Variants in ABCC9 observed in about 807,000 individuals in gnomAD.
ABCC9 encodes the protein ATP binding cassette subfamily C member 9, also known as ATP-binding cassette sub-family C member 9.
In ABCC9, 95 loss-of-function variants were observed where a neutral mutation model predicts 188.3. That is an observed-to-expected ratio of 0.50 (90% CI 0.43 to 0.60). The LOEUF is 0.60. ABCC9 is among the 20% of genes least tolerant of loss of function. The pLI, the probability that ABCC9 is intolerant of heterozygous loss-of-function variation, is 0.00. For missense variants in ABCC9, 1,102 were observed against 1,876.3 expected (o/e 0.59, Z 7.62); for synonymous variants, 659 against 652.7 (o/e 1.01, Z -0.15).
At chr12:21,885,048 G>A (rs1438417839) in intron 15 of ABCC9, among the ~76,000 whole-genome samples, 1 of 152,144 alleles carries the variant, frequency 6.6e-6, no homozygotes, top group Non-Finnish European at 1.5e-5. Flanking sequence ...AACAGGGTGG[G>A]AAGAGTAAAT....
intron 5 of ABCC9, chr12:21,923,034 CAG>C (rs1425786524): frequency 6.8e-6 from 1 of 146,264 alleles, no homozygotes; most frequent in African/African-American, 2.5e-5. Context: ...TCTTGAGAAA[CAG>C]AAAGTCTATC....
intron 16 of ABCC9, among the ~76,000 whole-genome samples, chr12:21,878,802 C>G (rs984146358): frequency 6.6e-6 from 1 of 152,112 alleles, no homozygotes; most frequent in Admixed American, 6.6e-5. Flanking sequence ...AACATCCATA[C>G]AAGAAAGATA....
In ABCC9 at chr12:21,805,186, C is replaced by T; in HGVS notation, c.4512+812G>A. ...AGATCATGATGGTCTACTTGTTGGT[C>T]ATCACCAAAGTGGAAAAGAGGCCAT... On this transcript the variant is annotated intron_variant, in intron 39 of 39. Coordinates refer to ENST00000261200, the MANE Select transcript of ABCC9 (RefSeq NM_020297.4). 1.9e-6 allele frequency: 3 copies of T among 1,613,934 alleles called. No individual in the cohort carries two copies. Among genetic ancestry groups the T allele is most frequent in the Non-Finnish European group, 2.5e-6 (3 of 1,179,934 alleles).
chr12:21,862,824 G>A lies in ABCC9; in HGVS notation c.2339+129C>T, dbSNP rs1431398508. The A allele has an allele frequency of 5.9e-6, 4 of 678,012 alleles. No homozygotes were observed. The African/African-American group carries it at 7.3e-5, about 12-fold the overall frequency. The allele number at this position is 678,012 out of a possible 1,614,324, so 42.0% of individuals were successfully genotyped here. A position where few individuals can be genotyped will look rare whatever the true frequency, so the allele number is the denominator to read the frequency against. ...TTGATTCAAAAGACCTTGGTGATGAGGATGAAAACGGGGCCAGCAGGAAAG... is the reference window on the plus strand; with the variant it reads ...TTGATTCAAAAGACCTTGGTGATGAAGATGAAAACGGGGCCAGCAGGAAAG... On this transcript the variant is annotated intron_variant, in intron 20 of 39. Coordinates refer to ENST00000261200, the MANE Select transcript of ABCC9 (RefSeq NM_020297.4).
chr12:21,901,482 A>G (rs1410710146), intron 12 of ABCC9, among the ~76,000 whole-genome samples: 6 of 152,232 alleles, frequency 3.9e-5, no homozygotes, highest in African/African-American at 1.4e-4. Context: ...AATGGGCTAA[A>G]TGCTCCAATT....
chr12:21,862,385 TC>T (rs996127934), intron 20 of ABCC9, among the ~76,000 whole-genome samples: 4 of 152,074 alleles, frequency 2.6e-5, no homozygotes, highest in South Asian at 2.1e-4. Flanking sequence ...TTCTCCTCCC[TC>T]CCCCTTCCTC....
At chr12:21,807,249 A>T in intron 38 of ABCC9, 97 bp downstream of exon 38, 1 of 1,518,412 alleles carries the variant, frequency 6.6e-7, no homozygotes, top group Non-Finnish European at 9.1e-7. Context: ...AAACAATAGT[A>T]CTGAGGATTC....
In ABCC9 at chr12:21,940,825, C is replaced by T. The variant is rs1197576125; in HGVS notation, c.-136G>A. ...AAATTTCAAACCCGGACGCAGAACT[C>T]CTAAAAAAAAGTAAAGAGTAACAAA... is the stretch of plus-strand genomic sequence containing the variant. On this transcript the variant is annotated splice_region_variant and 5_prime_UTR_variant, in exon 2 of 40. Transcript: ENST00000261200. The T allele has an allele frequency of 6.6e-6, 1 of 151,894 alleles. No individual in the cohort carries two copies. Among genetic ancestry groups the T allele is most frequent in the Non-Finnish European group, 1.5e-5 (1 of 67,968 alleles). The allele number at this position is 151,894 out of a possible 1,614,324, so 9.4% of individuals were successfully genotyped here.
At chr12:21,916,011 C>A in intron 6 of ABCC9, 101 bp from the exon 7 acceptor site, 4 of 1,175,644 alleles carry the variant, frequency 3.4e-6, no homozygotes, top group Non-Finnish European at 4.8e-6. Flanking sequence ...TTCAGGTGAC[C>A]AAAATTTATA....
chr12:21,842,505 G>A, intron 28 of ABCC9, 34 bp from the exon 29 acceptor site: 2 of 1,607,164 alleles, frequency 1.2e-6, no homozygotes, highest in Middle Eastern at 1.7e-4. Context: ...AATATGATTA[G>A]CCCAGTGAAA....
At chr12:21,892,412 A>G (rs989097655) in intron 14 of ABCC9, among the ~76,000 whole-genome samples, 3 of 152,220 alleles carry the variant, frequency 2.0e-5, no homozygotes, top group Non-Finnish European at 2.9e-5. Flanking sequence ...CATGAAAGGG[A>G]CAGTTGCTGA....
intron 39 of ABCC9, among the ~76,000 whole-genome samples, chr12:21,804,578 C>T (rs1044751098): frequency 4.6e-5 from 7 of 152,190 alleles, no homozygotes; most frequent in African/African-American, 1.7e-4. Context: ...GGGTGACTCT[C>T]CTCTGGGAAA....
intron 14 of ABCC9, 42 bp from the exon 15 acceptor site, chr12:21,887,976 A>C: frequency 7.0e-7 from 1 of 1,430,076 alleles, no homozygotes; most frequent in Non-Finnish European, 9.9e-7. Flanking sequence ...TAACAATAAA[A>C]CCACCACCAA....
chr12:21,939,624 T>TGAGG lies in ABCC9; in HGVS notation c.-21+1082_-21+1085dup. ...GAGCTGTTTAGATTCAGCTAAGCAC[T>TGAGG]GAGGGAGGCCCAAGCATCAAGGAGA... On this transcript the variant is annotated intron_variant, in intron 2 of 39. Transcript: ENST00000261200. 1.3e-5 allele frequency among the ~76,000 whole-genome samples: 2 copies of TGAGG among 152,254 alleles called. 1 individual carries two copies. Among genetic ancestry groups the TGAGG allele is most frequent in the South Asian group, 4.1e-4 (2 of 4,828 alleles).
intron 18 of ABCC9, among the ~76,000 whole-genome samples, chr12:21,871,141 G>T (rs561470379): frequency 1.3e-4 from 20 of 152,264 alleles, no homozygotes; most frequent in South Asian, 8.3e-4. Context: ...CTTAATTATG[G>T]TTGTACAAGC....
At chr12:21,846,264 C>A (rs1035692002) in intron 25 of ABCC9, among the ~76,000 whole-genome samples, 1 of 152,196 alleles carries the variant, frequency 6.6e-6, no homozygotes, top group East Asian at 1.9e-4. Context: ...ATACTCCATG[C>A]TGTCTATGGC....
At chr12:21,828,241 A>T (rs1288847764) in intron 31 of ABCC9, 2 of 152,882 alleles carry the variant, frequency 1.3e-5, no homozygotes, top group Non-Finnish European at 2.9e-5. Context: ...CATCTCTCCT[A>T]CTTGATACTC....
intron 18 of ABCC9, among the ~76,000 whole-genome samples, chr12:21,866,780 G>C (rs1945803458): frequency 6.6e-6 from 1 of 152,178 alleles, no homozygotes; most frequent in Non-Finnish European, 1.5e-5. Context: ...CACTTAGGCA[G>C]TCATTGGTGA....
At chr12:21,846,585 AT>A (rs1944683704) in intron 25 of ABCC9, among the ~76,000 whole-genome samples, 1 of 152,282 alleles carries the variant, frequency 6.6e-6, no homozygotes, top group South Asian at 2.1e-4. Flanking sequence ...TTTTTAGGTT[AT>A]TAGACCACAG....
Sources: allele counts gnomAD v4.1 joint callset (sites outside exome capture counted in the v4.1 genomes callset), GRCh38; gene constraint gnomAD v4.1.1; transcripts MANE v1.5; gene names NCBI Gene and HGNC (gene_info 2026-07-23, HGNC 2026-07-21).